Variants in PCGF3 observed in about 807,000 individuals in gnomAD.
PCGF3 encodes the protein polycomb group RING finger protein 3.
PCGF3 carries 7 observed loss-of-function variants against 33.1 expected under a neutral mutation model. The ratio of observed to expected loss-of-function variants is 0.21; its 90% CI spans 0.12 to 0.40. The LOEUF is 0.40. PCGF3 is among the 10% of genes least tolerant of loss of function. The probability of loss-of-function intolerance (pLI) is 1.00; values close to 1 mark genes in which losing one functional copy is unlikely to be tolerated. For synonymous variants in PCGF3, 153 were observed against 121.3 expected (o/e 1.26, Z -1.72); for missense variants, 211 against 313.3 (o/e 0.67, Z 2.46).
exon 11 of PCGF3, chr4:767,506 G>A (rs1195307403): frequency 6.6e-6 from 1 of 152,108 alleles, no homozygotes; most frequent in Non-Finnish European, 1.5e-5. Context: ...GGTGGTCCTT[G>A]GCCACCATTC....
chr4:753,392 C>T (rs920220831), intron 8 of PCGF3, among the ~76,000 whole-genome samples: 18 of 152,166 alleles, frequency 1.2e-4, no homozygotes, highest in Admixed American at 4.6e-4. Context: ...CGGTGGCTCA[C>T]GCCCGTAATC....
At chr4:734,260 G>A (rs1024527657) in intron 4 of PCGF3, 2 of 1,474,404 alleles carry the variant, frequency 1.4e-6, no homozygotes, top group African/African-American at 2.8e-5. Context: ...ACCGCTGACG[G>A]GCAGGTGCCA....
At chr4:756,227 T>G (rs1278560725) in intron 8 of PCGF3, among the ~76,000 whole-genome samples, 1 of 145,096 alleles carries the variant, frequency 6.9e-6, no homozygotes, top group Non-Finnish European at 1.5e-5. Context: ...TTTTTTTTTT[T>G]TGAGATGTAG....
At chr4:711,639 A>G (rs1742574781) in intron 1 of PCGF3, among the ~76,000 whole-genome samples, 1 of 148,150 alleles carries the variant, frequency 6.7e-6, no homozygotes, top group Non-Finnish European at 1.5e-5. Context: ...TTGTATTTTT[A>G]GTAGAGACGG....
At chr4:764,657 G>A (rs558235125) in intron 9 of PCGF3, 37 of 261,170 alleles carry the variant, frequency 1.4e-4, no homozygotes, top group African/African-American at 5.4e-4. Flanking sequence ...AGATAGGGGC[G>A]GGATGGGAGC....
chr4:742,195 C>T (rs992071313), intron 6 of PCGF3, among the ~76,000 whole-genome samples: 3 of 150,160 alleles, frequency 2.0e-5, no homozygotes, highest in Admixed American at 6.6e-5. Context: ...CCTCTCTCTG[C>T]CCAGGCTCTC....
At chr4:757,685 G>C (rs767374226) in intron 8 of PCGF3, 1 of 152,166 alleles carries the variant, frequency 6.6e-6, no homozygotes, top group African/African-American at 2.4e-5. Flanking sequence ...GAGGATGTGA[G>C]TTGGTTCCTG....
chr4:714,128 G>A (rs1018604544), intron 1 of PCGF3, among the ~76,000 whole-genome samples: 1 of 152,122 alleles, frequency 6.6e-6, no homozygotes, highest in Non-Finnish European at 1.5e-5. Flanking sequence ...TTGAGGACAC[G>A]AGAGAAGGCA....
intron 6 of PCGF3, among the ~76,000 whole-genome samples, chr4:740,772 G>A (rs974708967): frequency 1.3e-5 from 2 of 152,110 alleles, no homozygotes; most frequent in East Asian, 1.9e-4. Context: ...TTCATGGTGC[G>A]TAGCCTGGTT....
intron 1 of PCGF3, among the ~76,000 whole-genome samples, chr4:725,502 G>A (rs1272936613): frequency 1.3e-5 from 2 of 152,008 alleles, no homozygotes; most frequent in African/African-American, 2.4e-5. Flanking sequence ...GAGTAGGAAC[G>A]GGCTCTGCGC....
chr4:708,070 G>A (rs1338743535), intron 1 of PCGF3, among the ~76,000 whole-genome samples: 2 of 150,672 alleles, frequency 1.3e-5, no homozygotes, highest in African/African-American at 4.9e-5. Context: ...CCGGGACCCT[G>A]GGACAGCCCT....
intron 8 of PCGF3, among the ~76,000 whole-genome samples, chr4:758,607 G>A (rs1416088563): frequency 8.4e-6 from 1 of 118,770 alleles, no homozygotes. Context: ...TCTCCATCCC[G>A]ACTCCAGTTC....
At chr4:732,760 C>T (rs370024035) in intron 3 of PCGF3, among the ~76,000 whole-genome samples, 11 of 152,224 alleles carry the variant, frequency 7.2e-5, no homozygotes, top group East Asian at 3.9e-4. Context: ...GAAACTCGTG[C>T]CTGCTGCTCC....
intron 1 of PCGF3, among the ~76,000 whole-genome samples, chr4:728,011 A>T (rs1577407564): frequency 6.6e-6 from 1 of 152,144 alleles, no homozygotes; most frequent in Admixed American, 6.5e-5. Flanking sequence ...AGGTTCTGGA[A>T]CTTCCTGGGT....
exon 9 of PCGF3, chr4:761,356 G>C (rs141712126): frequency 7.4e-6 from 12 of 1,612,392 alleles, no homozygotes; most frequent in Non-Finnish European, 1.0e-5. Context: ...CAGCCCAGGC[G>C]ACCGTCTTGC....
chr4:713,545 C>G (rs111817526), intron 1 of PCGF3, among the ~76,000 whole-genome samples: 1 of 60,460 alleles, frequency 1.7e-5, no homozygotes, highest in African/African-American at 4.9e-5. Flanking sequence ...TGTGTGGCCT[C>G]GTCAGGGCTG....
At chr4:748,191 C>T (rs937634392) in intron 8 of PCGF3, among the ~76,000 whole-genome samples, 4 of 149,896 alleles carry the variant, frequency 2.7e-5, no homozygotes, top group African/African-American at 4.9e-5. Context: ...TCCATACCCA[C>T]GTCTAGAGAA....
At chr4:748,574 C>T (rs371805029) in intron 8 of PCGF3, among the ~76,000 whole-genome samples, 9 of 152,252 alleles carry the variant, frequency 5.9e-5, no homozygotes, top group African/African-American at 1.9e-4. Context: ...GTGTGTCCAA[C>T]GTGGGATGTG....
chr4:741,141 CCACT>C lies in PCGF3; in HGVS notation c.263-2329_263-2326del, dbSNP rs372957534. ...CACTGACTCAACACCAGCAATATCC[CCACT>C]CACAGGAAAGCAGTATTTAGACACC... On this transcript the variant is annotated intron_variant, in intron 6 of 10. Transcript: ENST00000362003. Among the ~76,000 whole-genome samples, 18 of 152,326 alleles carry C rather than the reference CCACT, an allele frequency of 1.2e-4. No individual in the cohort carries two copies. The South Asian group carries it at 2.5e-3, about 21-fold the overall frequency.
Sources: allele counts gnomAD v4.1 joint callset (sites outside exome capture counted in the v4.1 genomes callset), GRCh38; gene constraint gnomAD v4.1.1; transcripts MANE v1.5; gene names NCBI Gene and HGNC (gene_info 2026-07-23, HGNC 2026-07-21).